The following DIAPH3 variants were observed in gnomAD, a reference collection of about 807,000 sequenced individuals.
DIAPH3 encodes protein diaphanous homolog 3.
In DIAPH3, 117 loss-of-function variants were observed where a neutral mutation model predicts 144.3. That is an observed-to-expected ratio of 0.81 (90% CI 0.70 to 0.95). The LOEUF is 0.95. Ranked by LOEUF, DIAPH3 falls within the 40% of genes least tolerant of loss-of-function variation. The probability of loss-of-function intolerance (pLI) is 0.00; values close to 1 mark genes in which losing one functional copy is unlikely to be tolerated. For missense variants in DIAPH3, 1,421 were observed against 1,412.7 expected (o/e 1.01, Z -0.09); for synonymous variants, 519 against 488.9 (o/e 1.06, Z -0.81).
chr13:59,685,911 C>T (rs1475832071), intron 27 of DIAPH3, among the ~76,000 whole-genome samples: 3 of 152,014 alleles, frequency 2.0e-5, no homozygotes, highest in East Asian at 1.9e-4. Flanking sequence ...TTTGAAATTC[C>T]TGTGTTTCTC....
chr13:59,923,629 C>G (rs2047620338), intron 18 of DIAPH3, among the ~76,000 whole-genome samples: 1 of 152,086 alleles, frequency 6.6e-6, no homozygotes, highest in Non-Finnish European at 1.5e-5. Flanking sequence ...GCTTCCACCC[C>G]AAAAAGTGAC....
chr13:59,680,906 C>G (rs989756317), intron 27 of DIAPH3, among the ~76,000 whole-genome samples: 1 of 152,062 alleles, frequency 6.6e-6, no homozygotes, highest in African/African-American at 2.4e-5. Context: ...TCTCATGATA[C>G]GAAAAGACCG....
intron 23 of DIAPH3, among the ~76,000 whole-genome samples, chr13:59,835,880 GTAAA>G (rs2042022086): frequency 6.6e-6 from 1 of 151,750 alleles, no homozygotes; most frequent in African/African-American, 2.4e-5. Context: ...ATAGATATAA[GTAAA>G]TCTTTCTCTC....
intron 24 of DIAPH3, 26 bp from the exon 25 acceptor site, chr13:59,810,949 A>G (rs751090945): frequency 1.3e-5 from 20 of 1,583,728 alleles, no homozygotes; most frequent in African/African-American, 6.8e-5. Flanking sequence ...AAAATGATCA[A>G]TTTTAACCAG....
chr13:59,839,062 G>T, intron 23 of DIAPH3: 1 of 334,582 alleles, frequency 3.0e-6, no homozygotes, highest in Non-Finnish European at 5.7e-6. Context: ...AGTGAGCCAA[G>T]ATCATGCCAC....
intron 27 of DIAPH3, among the ~76,000 whole-genome samples, chr13:59,694,019 G>A (rs1003315602): frequency 4.6e-5 from 7 of 152,034 alleles, no homozygotes; most frequent in African/African-American, 1.7e-4. Context: ...TTGTTCTTGT[G>A]GTGCTATATA....
At chr13:59,770,525 C>T (rs2038069279) in intron 27 of DIAPH3, among the ~76,000 whole-genome samples, 1 of 152,084 alleles carries the variant, frequency 6.6e-6, no homozygotes, top group Admixed American at 6.6e-5. Flanking sequence ...CTAGAATGTA[C>T]AGTTCTACAA....
chr13:59,969,158 G>C (rs568937878), intron 17 of DIAPH3, among the ~76,000 whole-genome samples: 16 of 152,126 alleles, frequency 1.1e-4, no homozygotes, highest in Non-Finnish European at 2.1e-4. Context: ...GATGAAATAA[G>C]TTCAATTTTC....
chr13:59,811,605 C>T (rs983370539), intron 24 of DIAPH3, among the ~76,000 whole-genome samples: 1 of 151,434 alleles, frequency 6.6e-6, no homozygotes, highest in African/African-American at 2.4e-5. Context: ...GGTGTGGTGG[C>T]GGGTGCCTGT....
intron 1 of DIAPH3, among the ~76,000 whole-genome samples, chr13:60,142,051 C>T (rs891747452): frequency 5.3e-5 from 8 of 152,172 alleles, no homozygotes; most frequent in Non-Finnish European, 7.4e-5. Flanking sequence ...TTGGCTCCAA[C>T]AGGACAAAAT....
At chr13:59,673,276 A>G (rs559083187) in intron 27 of DIAPH3, among the ~76,000 whole-genome samples, 2 of 152,268 alleles carry the variant, frequency 1.3e-5, no homozygotes, top group Non-Finnish European at 2.9e-5. Context: ...ATTCTTAGCA[A>G]TTCTAATTTG....
At chr13:59,809,597 T>C (rs2040370457) in intron 25 of DIAPH3, among the ~76,000 whole-genome samples, 2 of 152,164 alleles carry the variant, frequency 1.3e-5, no homozygotes, top group Non-Finnish European at 2.9e-5. Context: ...AAGCATATTT[T>C]AAAAATAAAT....
chr13:59,946,637 C>T (rs1335006757), intron 17 of DIAPH3, among the ~76,000 whole-genome samples: 1 of 152,132 alleles, frequency 6.6e-6, no homozygotes, highest in Non-Finnish European at 1.5e-5. Flanking sequence ...GAGAAACAAA[C>T]ATGTTGCTGA....
chr13:60,106,134 C>T (rs2058414134), intron 3 of DIAPH3, among the ~76,000 whole-genome samples: 1 of 152,104 alleles, frequency 6.6e-6, no homozygotes, highest in South Asian at 2.1e-4. Context: ...TATCGGTTCA[C>T]CTGAGCCCTT....
chr13:60,142,258 G>A (rs1301330227), intron 1 of DIAPH3, among the ~76,000 whole-genome samples: 1 of 152,166 alleles, frequency 6.6e-6, no homozygotes, highest in Admixed American at 6.5e-5. Context: ...AGGAAGGTCT[G>A]TACTCAAATA....
chr13:59,768,591 G>A (rs936951592), intron 27 of DIAPH3, among the ~76,000 whole-genome samples: 2 of 151,980 alleles, frequency 1.3e-5, no homozygotes, highest in Admixed American at 6.6e-5. Context: ...GATGGGGGAG[G>A]GGTGGCTATA....
At chr13:59,791,910 C>T (rs1175527643) in intron 25 of DIAPH3, among the ~76,000 whole-genome samples, 1 of 152,170 alleles carries the variant, frequency 6.6e-6, no homozygotes, top group African/African-American at 2.4e-5. Flanking sequence ...CTCCTGACTC[C>T]TCCTTTCAAC....
Position 59,777,278 on chromosome 13 carries a change from A to C in DIAPH3, c.3164-2455T>G, listed in dbSNP as rs183378440. Among the ~76,000 whole-genome samples the C allele has an allele frequency of 6.6e-5, 10 of 152,328 alleles. No homozygotes were observed. In the South Asian group the frequency reaches 1.0e-3, roughly 16 times the overall value. Reference sequence around the variant, plus strand: ...GCCTTGGCCAAATTTAGGACAACTGAGTATCAAATAAATAATCATGGGAAT... The same window carrying C: ...GCCTTGGCCAAATTTAGGACAACTGCGTATCAAATAAATAATCATGGGAAT... On this transcript the variant is annotated intron_variant, in intron 25 of 27. Transcript: ENST00000400324.
At chr13:59,852,600 T>C (rs1460034167) in intron 22 of DIAPH3, among the ~76,000 whole-genome samples, 5 of 152,208 alleles carry the variant, frequency 3.3e-5, no homozygotes, top group African/African-American at 7.2e-5. Flanking sequence ...CCATTCCCTA[T>C]GTTAGTATGT....
Sources: gnomAD v4.1 joint callset for allele counts (sites outside exome capture counted in the v4.1 genomes callset) on GRCh38, gnomAD v4.1.1 for gene constraint, MANE v1.5 for transcripts, NCBI Gene and HGNC (gene_info 2026-07-23, HGNC 2026-07-21) for gene names.